The following IGF1 variants were observed in gnomAD, a reference collection of about 807,000 sequenced individuals.
The protein encoded by IGF1 is insulin like growth factor 1.
In IGF1, 4 loss-of-function variants were observed where a neutral mutation model predicts 13.8. That is an observed-to-expected ratio of 0.29 (90% CI 0.14 to 0.66). IGF1 has a LOEUF of 0.66. IGF1 is among the 30% of genes least tolerant of loss of function. IGF1 has a pLI of 0.78. For missense variants in IGF1, 124 were observed against 188.5 expected (o/e 0.66, Z 2.00); for synonymous variants, 76 against 72.6 (o/e 1.05, Z -0.23).
chr12:102,465,915 C>G (rs2137222742), intron 2 of IGF1, among the ~76,000 whole-genome samples: 1 of 150,630 alleles, frequency 6.6e-6, no homozygotes. Context: ...CCAGCCTGGG[C>G]AACAGAGCAA....
In IGF1 at chr12:102,399,035, G is replaced by GTT. The variant is rs991255580; in HGVS notation, c.*3470_*3471dup. On this transcript the variant is annotated 3_prime_UTR_variant, in exon 4 of 4. Coordinates refer to ENST00000337514, the MANE Select transcript of IGF1 (RefSeq NM_000618.5). ...TCAAGGGTGGACAGGCTTTTTGTTTGTTTGTTTGTTTTTTAATAAAATTTT... is the reference window on the plus strand; with the variant it reads ...TCAAGGGTGGACAGGCTTTTTGTTTGTTTTTGTTTGTTTTTTAATAAAATTTT... The GTT allele has an allele frequency of 6.6e-6, 1 of 151,100 alleles. No homozygotes were observed. The highest frequency in any genetic ancestry group is 2.4e-5 in the African/African-American group (1 of 40,872). 9.4% of individuals were successfully genotyped at this position (151,100 alleles called of 1,614,324 possible).
At chr12:102,417,574 T>A in intron 3 of IGF1, 3 of 1,221,656 alleles carry the variant, frequency 2.5e-6, no homozygotes, top group Non-Finnish European at 3.1e-6. Flanking sequence ...AATTTTTATT[T>A]TTTTTTTTCA....
chr12:102,430,247 A>G (rs796872060), intron 2 of IGF1, among the ~76,000 whole-genome samples: 1 of 152,270 alleles, frequency 6.6e-6, no homozygotes, highest in African/African-American at 2.4e-5. Flanking sequence ...GGCAGCCTCC[A>G]TTCTCTCTTC....
chr12:102,429,596 A>C (rs1401175640), intron 2 of IGF1, among the ~76,000 whole-genome samples: 1 of 152,224 alleles, frequency 6.6e-6, no homozygotes, highest in Non-Finnish European at 1.5e-5. Context: ...TTCATCTGGG[A>C]CCAACATCAT....
chr12:102,417,708 C>A, intron 3 of IGF1: 1 of 1,537,782 alleles, frequency 6.5e-7, no homozygotes, highest in South Asian at 1.3e-5. Flanking sequence ...TCATCTAGCT[C>A]CAGCAGGCCT....
intron 2 of IGF1, among the ~76,000 whole-genome samples, chr12:102,446,339 A>C (rs1878324529): frequency 6.6e-6 from 1 of 152,016 alleles, no homozygotes; most frequent in Non-Finnish European, 1.5e-5. Flanking sequence ...TCGGCTATGC[A>C]TCCATCTGGT....
At chr12:102,463,290 AC>A in intron 2 of IGF1, 1 of 152,328 alleles carries the variant, frequency 6.6e-6, no homozygotes, top group East Asian at 1.9e-4. Context: ...ACGGCTGGAA[AC>A]TTTAATGGAA....
chr12:102,425,781 A>T (rs1876148326), intron 2 of IGF1, among the ~76,000 whole-genome samples: 2 of 152,186 alleles, frequency 1.3e-5, no homozygotes, highest in Non-Finnish European at 1.5e-5. Context: ...AAGCAACATG[A>T]TGTATTACTT....
chr12:102,434,030 T>C (rs1258325605), intron 2 of IGF1, among the ~76,000 whole-genome samples: 1 of 152,178 alleles, frequency 6.6e-6, no homozygotes, highest in East Asian at 1.9e-4. Context: ...CTGGAGGAGA[T>C]TGCCTGGGTT....
chr12:102,419,542 G>C lies in IGF1; in HGVS notation c.369C>G (p.Ala123=). 6.2e-7 allele frequency: 1 copy of C among 1,613,696 alleles called. No individual in the cohort carries two copies. Among genetic ancestry groups the C allele is most frequent in the Non-Finnish European group, 8.5e-7 (1 of 1,179,984 alleles). Residue 123 remains alanine, a synonymous_variant, in exon 3 of 4, where the codon GCC becomes GCG. Transcript: ENST00000337514. The part of the protein sequence containing the change: ...KPAKSARSVR[A]QRHTDMPKTQ... ...TCTTGGGCATGTCGGTGTGGCGCTG[G>C]GCACGGACAGAGCGAGCTGACTTGG... is the stretch of plus-strand genomic sequence containing the variant.
At position 102,401,473 on chromosome 12, in the gene IGF1, T is replaced by C. The variant is rs1240206879; in HGVS notation, c.*1034A>G. On this transcript the variant is annotated 3_prime_UTR_variant, in exon 4 of 4. Coordinates refer to ENST00000337514, the MANE Select transcript of IGF1 (RefSeq NM_000618.5). Reference sequence around the variant, plus strand: ...CATAACTGGGGGGACTTTGCCTTCTTTCCCAAATGGATGGTGTTTTCAGTA... The same window carrying C: ...CATAACTGGGGGGACTTTGCCTTCTCTCCCAAATGGATGGTGTTTTCAGTA... 5 of 152,660 alleles carry C rather than the reference T, an allele frequency of 3.3e-5. No individual in the cohort carries two copies. Among genetic ancestry groups the C allele is most frequent in the Non-Finnish European group, 7.3e-5 (5 of 68,052 alleles). 9.5% of individuals were successfully genotyped at this position (152,660 alleles called of 1,614,324 possible).
At chr12:102,439,527 A>G (rs1877528047) in intron 2 of IGF1, among the ~76,000 whole-genome samples, 1 of 152,212 alleles carries the variant, frequency 6.6e-6, no homozygotes, top group African/African-American at 2.4e-5. Flanking sequence ...GCCCTGAGTG[A>G]GCAGGAAAGT....
intron 3 of IGF1, among the ~76,000 whole-genome samples, chr12:102,416,474 C>T (rs1476342647): frequency 1.3e-5 from 2 of 152,176 alleles, no homozygotes; most frequent in Non-Finnish European, 2.9e-5. Context: ...CTCTCTTTTC[C>T]TTCTGGAATT....
intron 2 of IGF1, among the ~76,000 whole-genome samples, chr12:102,428,914 T>G (rs1436318120): frequency 6.6e-6 from 1 of 152,212 alleles, no homozygotes; most frequent in Non-Finnish European, 1.5e-5. Flanking sequence ...ATGTTATCTC[T>G]GATAGTATGA....
At chr12:102,443,007 G>A (rs958052994) in intron 2 of IGF1, among the ~76,000 whole-genome samples, 2 of 151,986 alleles carry the variant, frequency 1.3e-5, no homozygotes, top group African/African-American at 4.8e-5. Context: ...CTCATTAAGT[G>A]ATGCTAATAG....
intron 2 of IGF1, chr12:102,462,679 T>C (rs983433299): frequency 6.6e-6 from 1 of 152,214 alleles, no homozygotes; most frequent in African/African-American, 2.4e-5. Flanking sequence ...ATTGTATGTG[T>C]GTCATTGATC....
At chr12:102,481,371 G>T (rs554483315), upstream of IGF1, among the ~76,000 whole-genome samples, 80 of 151,470 alleles carry the variant, frequency 5.3e-4, 2 homozygotes, top group South Asian at 0.017. Context: ...GTGTGTGTGT[G>T]TGTGTGTGTG....
At chr12:102,436,638 A>G (rs1877246856) in intron 2 of IGF1, among the ~76,000 whole-genome samples, 2 of 152,198 alleles carry the variant, frequency 1.3e-5, no homozygotes, top group African/African-American at 4.8e-5. Context: ...TATACCACTG[A>G]TGATTGCCCA....
chr12:102,441,956 T>TTCTTCTTCTTCTTCTTCTTCTTCA (rs1491200329), intron 2 of IGF1, among the ~76,000 whole-genome samples: 1 of 140,486 alleles, frequency 7.1e-6, no homozygotes, highest in Non-Finnish European at 1.5e-5. Flanking sequence ...CTTCTTCTTC[T>TTCTTCTTCTTCTTCTTCTTCTTCA]TTTTTTTTTT....
Sources: gnomAD v4.1 joint callset for allele counts (sites outside exome capture counted in the v4.1 genomes callset) on GRCh38, gnomAD v4.1.1 for gene constraint, MANE v1.5 for transcripts, NCBI Gene and HGNC (gene_info 2026-07-23, HGNC 2026-07-21) for gene names.